Variants in ROBO2 observed in about 807,000 individuals in gnomAD.
ROBO2 encodes roundabout homolog 2.
A neutral mutation model predicts 160.8 loss-of-function variants in ROBO2; 53 were observed. That is an observed-to-expected ratio of 0.33 (90% CI 0.26 to 0.41). The LOEUF is 0.41. Ranked by LOEUF, ROBO2 falls within the 10% of genes least tolerant of loss-of-function variation. The pLI, the probability that ROBO2 is intolerant of heterozygous loss-of-function variation, is 1.00. For missense variants in ROBO2, 1,577 were observed against 1,722.4 expected, an observed-to-expected ratio of 0.92 and a Z score of 1.49; for synonymous variants, 664 against 611.7, an observed-to-expected ratio of 1.09 and a Z score of -1.26.
chr3:77,408,779 G>T (rs2076461751), intron 2 of ROBO2, among the ~76,000 whole-genome samples: 1 of 151,990 alleles, frequency 6.6e-6, no homozygotes, highest in East Asian at 1.9e-4. Context: ...GGATTGCAGT[G>T]GCTTGATGAT....
At chr3:76,479,633 T>C (rs1431535283) in intron 2 of ROBO2, among the ~76,000 whole-genome samples, 1 of 152,176 alleles carries the variant, frequency 6.6e-6, no homozygotes, top group Non-Finnish European at 1.5e-5. Flanking sequence ...CAGCAGAAGA[T>C]AAAGGCTTTT....
At chr3:76,594,029 T>A (rs1020113651) in intron 2 of ROBO2, among the ~76,000 whole-genome samples, 5 of 152,054 alleles carry the variant, frequency 3.3e-5, no homozygotes, top group African/African-American at 1.2e-4. Context: ...AAGTATGTTG[T>A]AAACATTTTA....
chr3:76,943,385 A>C (rs1376058488), intron 2 of ROBO2, among the ~76,000 whole-genome samples: 1 of 152,234 alleles, frequency 6.6e-6, no homozygotes, highest in Non-Finnish European at 1.5e-5. Flanking sequence ...GTTTATTATT[A>C]AGGTTGCCAT....
rs141075546 is a variant in ROBO2, at chr3:77,415,927, A to G, written c.389-61487A>G. Among the ~76,000 whole-genome samples, 123 of 152,174 alleles carry G rather than the reference A, an allele frequency of 8.1e-4. 2 individuals are homozygous for G. The East Asian group carries it at 0.019, about 24-fold the overall frequency. ...GTTCCTGCAGCCCATAGCTCAGCAA[A>G]TGGGGGCATGTTGTGCCCAGAGGCT... On this transcript the variant is annotated intron_variant, in intron 2 of 25. Transcript: ENST00000461745.
intron 2 of ROBO2, among the ~76,000 whole-genome samples, chr3:76,276,393 A>G (rs868808151): frequency 1.3e-5 from 2 of 152,082 alleles, no homozygotes; most frequent in African/African-American, 2.4e-5. Context: ...CCATATTTCA[A>G]AAGCTCAACT....
chr3:77,356,168 G>A (rs1043519140), intron 2 of ROBO2, among the ~76,000 whole-genome samples: 2 of 152,160 alleles, frequency 1.3e-5, no homozygotes, highest in Non-Finnish European at 2.9e-5. Context: ...AGAAGAATGA[G>A]CTAGATCTGT....
intron 2 of ROBO2, among the ~76,000 whole-genome samples, chr3:76,114,639 T>TTC (rs2070381439): frequency 6.6e-6 from 1 of 152,012 alleles, no homozygotes; most frequent in Non-Finnish European, 1.5e-5. Flanking sequence ...ACCCACCTAG[T>TTC]AAGAGATCAA....
rs545303287 is a variant in ROBO2, at chr3:76,586,452, C to A, written c.110-511562C>A. On this transcript the variant is annotated intron_variant, in intron 2 of 26. Transcript: ENST00000487694. ...CTAGTTCTCAGTCTTTAAGTCTCTT[C>A]CATCTAGACCAGTGCCATCCAATAG... Among the ~76,000 whole-genome samples, 4 of 152,296 alleles carry A rather than the reference C, an allele frequency of 2.6e-5. No homozygotes were observed. In the South Asian group the frequency reaches 8.3e-4, roughly 32 times the overall value.
intron 2 of ROBO2, among the ~76,000 whole-genome samples, chr3:77,328,986 C>A (rs1000709785): frequency 3.3e-5 from 5 of 152,146 alleles, no homozygotes; most frequent in Non-Finnish European, 5.9e-5. Flanking sequence ...TTAATTTTTT[C>A]TTTTCCTTGC....
intron 2 of ROBO2, among the ~76,000 whole-genome samples, chr3:76,405,955 A>G (rs1356329392): frequency 6.6e-6 from 1 of 151,658 alleles, no homozygotes; most frequent in Non-Finnish European, 1.5e-5. Context: ...TGTCTTTTCC[A>G]TGTAGTTACT....
intron 2 of ROBO2, among the ~76,000 whole-genome samples, chr3:76,068,633 A>G (rs1302548310): frequency 6.6e-6 from 1 of 152,168 alleles, no homozygotes; most frequent in African/African-American, 2.4e-5. Flanking sequence ...TTCTTATTTT[A>G]AAATACCTTT....
chr3:77,602,700 A>G (rs1212277307), intron 20 of ROBO2, among the ~76,000 whole-genome samples: 2 of 66,166 alleles, frequency 3.0e-5, no homozygotes, highest in Admixed American at 2.1e-4. Flanking sequence ...CGCCGCCGCC[A>G]CCACCACCTC....
intron 2 of ROBO2, among the ~76,000 whole-genome samples, chr3:77,460,226 A>T (rs1259119280): frequency 6.6e-6 from 1 of 152,142 alleles, no homozygotes; most frequent in Non-Finnish European, 1.5e-5. Context: ...TTCATGGGTG[A>T]CAGAAATGGA....
At chr3:77,401,922 A>G (rs1005821066) in intron 2 of ROBO2, among the ~76,000 whole-genome samples, 2 of 152,176 alleles carry the variant, frequency 1.3e-5, no homozygotes, top group African/African-American at 2.4e-5. Context: ...AATCCTCTCC[A>G]GCATCTGTAT....
At chr3:76,950,988 A>AAAG (rs1475288231) in intron 2 of ROBO2, among the ~76,000 whole-genome samples, 1 of 152,166 alleles carries the variant, frequency 6.6e-6, no homozygotes, top group Non-Finnish European at 1.5e-5. Flanking sequence ...TTGGCCTTTT[A>AAAG]AAGTGCTGGA....
intron 2 of ROBO2, among the ~76,000 whole-genome samples, chr3:77,012,506 T>G (rs2061982539): frequency 6.6e-6 from 1 of 152,180 alleles, no homozygotes; most frequent in South Asian, 2.1e-4. Flanking sequence ...TATGTATGCT[T>G]TGTTGTGACT....
intron 2 of ROBO2, among the ~76,000 whole-genome samples, chr3:77,134,043 G>A (rs2076078000): frequency 6.6e-6 from 1 of 152,082 alleles, no homozygotes; most frequent in Admixed American, 6.6e-5. Context: ...AGGTGCGGTG[G>A]CACATGCCTG....
chr3:77,374,404 G>A (rs1453768278), intron 2 of ROBO2, among the ~76,000 whole-genome samples: 1 of 152,014 alleles, frequency 6.6e-6, no homozygotes, highest in Non-Finnish European at 1.5e-5. Context: ...TTAGGAAATA[G>A]ATAACTGTTG....
At chr3:76,718,901 G>T (rs1472690681) in intron 2 of ROBO2, among the ~76,000 whole-genome samples, 1 of 152,070 alleles carries the variant, frequency 6.6e-6, no homozygotes, top group Non-Finnish European at 1.5e-5. Flanking sequence ...GTGGACATGT[G>T]TCCTTTCAAA....
Sources: gnomAD v4.1 joint callset for allele counts (sites outside exome capture counted in the v4.1 genomes callset) on GRCh38, gnomAD v4.1.1 for gene constraint, MANE v1.5 for transcripts, NCBI Gene and HGNC (gene_info 2026-07-23, HGNC 2026-07-21) for gene names.